IGSF10: variants seen among roughly 807,000 people sequenced by gnomAD.
IGSF10 encodes calvaria mechanical force protein 608.
Under a neutral mutation model 128.2 loss-of-function variants are expected in IGSF10, and 126 were observed. The observed-to-expected ratio is 0.98, with a 90% CI of 0.85 to 1.14. The LOEUF is 1.14. IGSF10 is among the 50% of genes most tolerant of loss of function. IGSF10 has a pLI of 0.00. For missense variants in IGSF10, 3,295 were observed against 3,149.8 expected (o/e 1.05, Z -1.10); for synonymous variants, 1,185 against 1,146.2 (o/e 1.03, Z -0.68).
Position 151,460,242 on chromosome 3 carries a change from A to T in IGSF10, c.-2+19T>A, listed in dbSNP as rs1273823677. 6.4e-6 allele frequency: 5 copies of T among 785,094 alleles called. No individual in the cohort carries two copies. The South Asian group carries it at 2.9e-4, about 46-fold the overall frequency. The allele number at this position is 785,094 out of a possible 1,614,324, so 48.6% of individuals were successfully genotyped here. A position where few individuals can be genotyped will look rare whatever the true frequency, so the allele number is the denominator to read the frequency against. On this transcript the variant is annotated intron_variant, in intron 2 of 7. Transcript: ENST00000282466. ...CGTAAGGCTGAAAATGTACATAATG[A>T]AATAGGAATTGGCAATACCTGAGCT...
chr3:151,563,604 G>A, the IGSF10 span, among the ~76,000 whole-genome samples: 1 of 152,076 alleles, frequency 6.6e-6, no homozygotes, highest in Non-Finnish European at 1.5e-5. Flanking sequence ...TCCAAGTGCT[G>A]GAGAGTTGTC....
At chr3:151,568,207 G>T in the IGSF10 span, among the ~76,000 whole-genome samples, 4 of 152,072 alleles carry the variant, frequency 2.6e-5, no homozygotes, top group African/African-American at 4.8e-5. Context: ...CTGTATTTAT[G>T]ATTATTATAA....
the IGSF10 span, among the ~76,000 whole-genome samples, chr3:151,494,990 A>G: frequency 6.6e-6 from 1 of 152,146 alleles, no homozygotes; most frequent in African/African-American, 2.4e-5. Flanking sequence ...GAATAAATTG[A>G]GAGCCCAGAC....
At chr3:151,529,601 C>G in the IGSF10 span, among the ~76,000 whole-genome samples, 5 of 152,132 alleles carry the variant, frequency 3.3e-5, no homozygotes, top group Admixed American at 2.6e-4. Context: ...CTACAGCAGA[C>G]CTACAGCAGA....
the IGSF10 span, among the ~76,000 whole-genome samples, chr3:151,480,345 T>C: frequency 1.3e-5 from 2 of 152,040 alleles, no homozygotes; most frequent in African/African-American, 4.8e-5. Flanking sequence ...GAGAGATTTC[T>C]CTCTGCTGGA....
At chr3:151,489,618 G>T in the IGSF10 span, among the ~76,000 whole-genome samples, 2 of 152,052 alleles carry the variant, frequency 1.3e-5, no homozygotes, top group African/African-American at 4.8e-5. Context: ...AGGCACATAT[G>T]CACCATGGAA....
At chr3:151,583,252 C>A in the IGSF10 span, among the ~76,000 whole-genome samples, 2 of 148,988 alleles carry the variant, frequency 1.3e-5, no homozygotes, top group East Asian at 1.9e-4. Flanking sequence ...AATTTGTTAT[C>A]TTTTCTTTAC....
At chr3:151,468,450 G>A in the IGSF10 span, among the ~76,000 whole-genome samples, 1 of 152,152 alleles carries the variant, frequency 6.6e-6, no homozygotes, top group African/African-American at 2.4e-5. Context: ...TTATGTAAGA[G>A]GTCTGCCAAT....
chr3:151,511,749 A>T, the IGSF10 span, among the ~76,000 whole-genome samples: 1 of 152,218 alleles, frequency 6.6e-6, no homozygotes, highest in Admixed American at 6.5e-5. Context: ...CACATGCTCA[A>T]AATAAAGGGA....
chr3:151,481,492 G>T, the IGSF10 span, among the ~76,000 whole-genome samples: 1 of 152,092 alleles, frequency 6.6e-6, no homozygotes, highest in Non-Finnish European at 1.5e-5. Flanking sequence ...TCTTGCACAG[G>T]CTAGTGCTGT....
chr3:151,610,224 T>G, the IGSF10 span, among the ~76,000 whole-genome samples: 1 of 152,170 alleles, frequency 6.6e-6, no homozygotes, highest in African/African-American at 2.4e-5. Flanking sequence ...TTGCTACATA[T>G]CTGATATCTA....
the IGSF10 span, among the ~76,000 whole-genome samples, chr3:151,558,575 G>T: frequency 6.6e-6 from 1 of 151,336 alleles, no homozygotes; most frequent in East Asian, 1.9e-4. Flanking sequence ...GTGCAGTGGC[G>T]TGATCTCAGC....
At chr3:151,564,166 T>A in the IGSF10 span, among the ~76,000 whole-genome samples, 1 of 152,190 alleles carries the variant, frequency 6.6e-6, no homozygotes, top group African/African-American at 2.4e-5. Flanking sequence ...AATAGCTATA[T>A]TTTTTCTAAT....
At position 151,436,671 on chromosome 3, in the gene IGSF10, T is replaced by C; in HGVS notation, c.*18A>G. 1.3e-6 allele frequency: 2 copies of C among 1,535,350 alleles called. No homozygotes were observed. The highest frequency in any genetic ancestry group is 1.8e-6 in the Non-Finnish European group (2 of 1,133,172). On this transcript the variant is annotated 3_prime_UTR_variant, in exon 8 of 8. Transcript: ENST00000282466. The stretch of plus-strand genomic sequence containing the variant: ...AAAATAAATTCTGCCCAGATGTTGT[T>C]GACTTTATTATTTCATGTCAGATTA...
chr3:151,580,703 T>C, the IGSF10 span, among the ~76,000 whole-genome samples: 4 of 152,214 alleles, frequency 2.6e-5, no homozygotes, highest in Non-Finnish European at 2.9e-5. Flanking sequence ...ATAAGGGAGC[T>C]TACTGTGTGT....
the IGSF10 span, among the ~76,000 whole-genome samples, chr3:151,543,304 T>C: frequency 6.6e-6 from 1 of 152,112 alleles, no homozygotes; most frequent in East Asian, 1.9e-4. Flanking sequence ...AAATGCAGTT[T>C]TATTCAGCAG....
the IGSF10 span, among the ~76,000 whole-genome samples, chr3:151,510,023 T>C: frequency 1.3e-5 from 2 of 152,236 alleles, no homozygotes; most frequent in Admixed American, 6.5e-5. Flanking sequence ...GAGGCCTGCC[T>C]GCCTCTGTAG....
At chr3:151,490,619 G>A in the IGSF10 span, among the ~76,000 whole-genome samples, 4 of 151,574 alleles carry the variant, frequency 2.6e-5, no homozygotes, top group African/African-American at 9.7e-5. Context: ...TAGACTGTAT[G>A]TAAAGGCCAC....
chr3:151,566,349 G>T, the IGSF10 span, among the ~76,000 whole-genome samples: 1 of 152,162 alleles, frequency 6.6e-6, no homozygotes, highest in Non-Finnish European at 1.5e-5. Flanking sequence ...GATGATTAAA[G>T]TTAATAGCAT....
Sources: allele counts gnomAD v4.1 joint callset (sites outside exome capture counted in the v4.1 genomes callset), GRCh38; gene constraint gnomAD v4.1.1; transcripts MANE v1.5; gene names NCBI Gene and HGNC (gene_info 2026-07-23, HGNC 2026-07-21).